STOX2: variants seen among roughly 807,000 people sequenced by gnomAD.
STOX2 encodes the protein storkhead box 2.
In STOX2, 28 loss-of-function variants were observed where a neutral mutation model predicts 60.9. That is an observed-to-expected ratio of 0.46 (90% CI 0.34 to 0.63). The LOEUF (loss-of-function observed/expected upper bound fraction) is 0.63. Among genes scored for constraint, STOX2 ranks in the 30% least tolerant of loss-of-function variants. The pLI, the probability that STOX2 is intolerant of heterozygous loss-of-function variation, is 0.01. For missense variants in STOX2, 1,024 were observed against 1,187.7 expected (o/e 0.86, Z 2.03); for synonymous variants, 472 against 463.9 (o/e 1.02, Z -0.22).
intron 1 of STOX2, among the ~76,000 whole-genome samples, chr4:183,882,822 A>G (rs1310952911): frequency 2.6e-5 from 4 of 152,248 alleles, no homozygotes; most frequent in African/African-American, 9.6e-5. Flanking sequence ...AAAGCTAGAC[A>G]GTGGCAAAGC....
intron 1 of STOX2, among the ~76,000 whole-genome samples, chr4:183,993,366 C>T (rs12651379): frequency 0.25 from 38,472 of 152,122 alleles, 5,627 homozygotes; most frequent in Non-Finnish European, 0.33. Flanking sequence ...GCCCGGGTGA[C>T]GTGGGGGATG....
intron 1 of STOX2, among the ~76,000 whole-genome samples, chr4:183,913,070 T>C (rs1323650382): frequency 6.6e-6 from 1 of 152,062 alleles, no homozygotes; most frequent in Non-Finnish European, 1.5e-5. Context: ...AGAAGGACGT[T>C]GCTTAGAAAA....
rs1242024095 is a variant in STOX2 at position 183,912,563 on chromosome 4, C to G, written c.166+5607C>G. Among the ~76,000 whole-genome samples the G allele has an allele frequency of 2.0e-5, 3 of 152,304 alleles. No homozygotes were observed. In the East Asian group the frequency reaches 5.8e-4, roughly 29 times the overall value. ...CCTTCCAGAACCAGCTCCTATGCCC[C>G]CTTCTCTTGCATCGTCTCTCAGATC... On this transcript the variant is annotated intron_variant, in intron 1 of 3. Transcript: ENST00000308497.
intron 1 of STOX2, among the ~76,000 whole-genome samples, chr4:183,935,182 G>T (rs536232864): frequency 6.6e-6 from 1 of 152,314 alleles, no homozygotes; most frequent in South Asian, 2.1e-4. Context: ...TGGATGTCCC[G>T]CAGGACAGTG....
chr4:183,798,077 C>G, intron 1 of STOX2: 1 of 1,226,046 alleles, frequency 8.2e-7, no homozygotes, highest in Non-Finnish European at 1.0e-6. Flanking sequence ...CGCCGCGCGC[C>G]CGTCCCGTCC....
intron 1 of STOX2, among the ~76,000 whole-genome samples, chr4:183,829,720 A>G (rs997979056): frequency 2.6e-5 from 4 of 152,206 alleles, no homozygotes; most frequent in African/African-American, 9.7e-5. Flanking sequence ...TGTAATTTTA[A>G]GCCAGCTCGA....
intron 1 of STOX2, among the ~76,000 whole-genome samples, chr4:183,918,559 TGA>T (rs1579415244): frequency 6.6e-6 from 1 of 152,238 alleles, no homozygotes; most frequent in African/African-American, 2.4e-5. Context: ...GAAGCACAGT[TGA>T]GAGGGGAAAG....
At chr4:183,998,337 C>T (rs892829927) in intron 1 of STOX2, among the ~76,000 whole-genome samples, 2 of 152,138 alleles carry the variant, frequency 1.3e-5, no homozygotes, top group African/African-American at 4.8e-5. Context: ...AACTTAGCAC[C>T]TCTGTAAGAA....
At chr4:183,981,300 T>C (rs1732650526) in intron 1 of STOX2, among the ~76,000 whole-genome samples, 1 of 152,186 alleles carries the variant, frequency 6.6e-6, no homozygotes, top group Non-Finnish European at 1.5e-5. Context: ...CAGAGTAGAA[T>C]GCATAGACTG....
chr4:184,012,604 T>A (rs1010383116), intron 3 of STOX2, among the ~76,000 whole-genome samples: 1 of 152,162 alleles, frequency 6.6e-6, no homozygotes, highest in African/African-American at 2.4e-5. Context: ...ATTATTATTA[T>A]CATCATTATT....
Position 184,009,141 on chromosome 4 carries a change from T to TG in STOX2, c.320-17_320-16insG. 7.1e-7 allele frequency: 1 copy of TG among 1,402,904 alleles called. No individual in the cohort carries two copies. Among genetic ancestry groups the TG allele is most frequent in the Non-Finnish European group, 9.5e-7 (1 of 1,053,640 alleles). The allele number at this position is 1,402,904 out of a possible 1,614,324, so 86.9% of individuals were successfully genotyped here. On this transcript the variant is annotated splice_polypyrimidine_tract_variant and intron_variant, in intron 2 of 3. Transcript: ENST00000308497. The surrounding 1 kb of genome is among the most constrained non-coding windows in gnomAD (Gnocchi z 4.0). Reference sequence around the variant, plus strand: ...TGTCTTCATTCTCACAAGTGGTTTTTTTTTTTTTTTTTTCAGGTGTTCCAA... The same window carrying TG: ...TGTCTTCATTCTCACAAGTGGTTTTTGTTTTTTTTTTTTTCAGGTGTTCCAA...
chr4:183,830,634 T>C (rs1434098250), intron 1 of STOX2, among the ~76,000 whole-genome samples: 1 of 152,190 alleles, frequency 6.6e-6, no homozygotes, highest in Non-Finnish European at 1.5e-5. Context: ...GCTGAGGGTA[T>C]ATCTGAGGGT....
intron 1 of STOX2, among the ~76,000 whole-genome samples, chr4:183,969,885 G>T (rs1331301608): frequency 6.6e-6 from 1 of 152,162 alleles, no homozygotes; most frequent in Non-Finnish European, 1.5e-5. Context: ...ATCTCCCAAA[G>T]TGCTGAGATT....
intron 1 of STOX2, among the ~76,000 whole-genome samples, chr4:183,963,845 G>C (rs1313695426): frequency 6.9e-6 from 1 of 145,060 alleles, no homozygotes; most frequent in South Asian, 2.2e-4. Context: ...GCATGATCTC[G>C]GCTCACTGCA....
intron 1 of STOX2, among the ~76,000 whole-genome samples, chr4:183,999,475 G>C (rs1733490986): frequency 1.3e-5 from 2 of 152,052 alleles, no homozygotes; most frequent in South Asian, 4.2e-4. Flanking sequence ...GGGTACTCCT[G>C]TCTCCCTCTG....
At chr4:183,924,553 G>T (rs77330859) in intron 1 of STOX2, among the ~76,000 whole-genome samples, 156 of 152,298 alleles carry the variant, frequency 1.0e-3, no homozygotes, top group Admixed American at 2.9e-3. Flanking sequence ...GACCCAGGAG[G>T]ACCTTATGTT....
chr4:183,923,903 ACT>A (rs1560885019), intron 1 of STOX2, among the ~76,000 whole-genome samples: 1 of 152,068 alleles, frequency 6.6e-6, no homozygotes, highest in African/African-American at 2.4e-5. Flanking sequence ...AGGTAGGAAC[ACT>A]CTGTAGACTG....
At chr4:183,868,608 T>C (rs755815718) in intron 1 of STOX2, among the ~76,000 whole-genome samples, 3 of 152,170 alleles carry the variant, frequency 2.0e-5, no homozygotes, top group Non-Finnish European at 4.4e-5. Flanking sequence ...CAGGAACAGC[T>C]GATTAAGCCC....
intron 1 of STOX2, among the ~76,000 whole-genome samples, chr4:183,961,368 C>T (rs1743406882): frequency 6.6e-6 from 1 of 152,144 alleles, no homozygotes; most frequent in Non-Finnish European, 1.5e-5. Context: ...GCTGCTGCTG[C>T]TGCTGCTGCT....
Sources: allele counts gnomAD v4.1 joint callset (sites outside exome capture counted in the v4.1 genomes callset), GRCh38; gene constraint gnomAD v4.1.1; non-coding constraint Gnocchi (gnomAD v3.1); transcripts MANE v1.5; gene names NCBI Gene and HGNC (gene_info 2026-07-23, HGNC 2026-07-21).